Variants in CCDC91 observed in about 807,000 individuals in gnomAD.
CCDC91 encodes coiled-coil domain containing 91, also known as coiled-coil domain-containing protein 91.
A neutral mutation model predicts 63.2 loss-of-function variants in CCDC91; 48 were observed. The observed-to-expected ratio is 0.76, with a 90% CI of 0.60 to 0.97. CCDC91 has a LOEUF of 0.97. CCDC91 is among the 50% of genes least tolerant of loss of function. The probability of loss-of-function intolerance (pLI) is 0.00; values close to 1 mark genes in which losing one functional copy is unlikely to be tolerated. For missense variants in CCDC91, 500 were observed against 494.6 expected (o/e 1.01, Z -0.10); for synonymous variants, 167 against 165.8 (o/e 1.01, Z -0.06).
intron 1 of CCDC91, among the ~76,000 whole-genome samples, chr12:28,230,264 C>T (rs1048546961): frequency 2.0e-5 from 3 of 152,168 alleles, no homozygotes; most frequent in African/African-American, 7.2e-5. Flanking sequence ...AAAACTCAAT[C>T]CTCCATATAT....
intron 11 of CCDC91, among the ~76,000 whole-genome samples, chr12:28,483,339 C>T (rs975948397): frequency 3.9e-5 from 6 of 152,140 alleles, no homozygotes; most frequent in African/African-American, 7.2e-5. Context: ...GATTTTGCTT[C>T]GTGGCATTCA....
chr12:28,259,266 G>A, intron 2 of CCDC91, 98 bp from the exon 3 acceptor site: 1 of 840,274 alleles, frequency 1.2e-6, no homozygotes, highest in Non-Finnish European at 2.0e-6. Flanking sequence ...TGTCTGGTGT[G>A]TTATAGAAGA....
chr12:28,477,890 G>A (rs1951201453), intron 11 of CCDC91, among the ~76,000 whole-genome samples: 1 of 151,966 alleles, frequency 6.6e-6, no homozygotes, highest in Admixed American at 6.6e-5. Context: ...AAAATACCTA[G>A]GAATCCAACT....
intron 3 of CCDC91, among the ~76,000 whole-genome samples, chr12:28,274,900 G>A (rs1377318081): frequency 6.6e-6 from 1 of 151,898 alleles, no homozygotes; most frequent in African/African-American, 2.4e-5. Flanking sequence ...TGGTGAGAGA[G>A]GGCATCCCCT....
chr12:28,444,135 G>C (rs1949376365), intron 8 of CCDC91, among the ~76,000 whole-genome samples: 1 of 152,112 alleles, frequency 6.6e-6, no homozygotes, highest in Non-Finnish European at 1.5e-5. Flanking sequence ...TGGAATTGTT[G>C]TGCTAAAGAA....
chr12:28,463,399 C>T (rs1354096940), intron 11 of CCDC91, among the ~76,000 whole-genome samples: 1 of 152,130 alleles, frequency 6.6e-6, no homozygotes, highest in Non-Finnish European at 1.5e-5. Context: ...ACCAGAGGCT[C>T]CACTGGCACA....
chr12:28,383,714 T>C (rs1194406192), intron 7 of CCDC91, among the ~76,000 whole-genome samples: 3 of 152,112 alleles, frequency 2.0e-5, no homozygotes, highest in East Asian at 1.9e-4. Context: ...GAATTTTACA[T>C]TGAACTTTTA....
At chr12:28,475,117 A>T (rs933390681) in intron 11 of CCDC91, among the ~76,000 whole-genome samples, 1 of 152,136 alleles carries the variant, frequency 6.6e-6, no homozygotes, top group African/African-American at 2.4e-5. Context: ...TACATATATT[A>T]ACATAAACAA....
Position 28,220,445 on chromosome 12 carries a change from C to T in CCDC91, c.-15+29804C>T, listed in dbSNP as rs371004423. ...ATTTACTTCTACATATTCTATAAAG[C>T]CAACAATATGTTTTTTAAATTATTA... On this transcript the variant is annotated intron_variant, in intron 1 of 12. Transcript: ENST00000536442. 1.5e-4 allele frequency among the ~76,000 whole-genome samples: 23 copies of T among 152,030 alleles called. 1 individual carries two copies. The highest frequency in any genetic ancestry group is 5.5e-4 in the African/African-American group (23 of 41,494).
chr12:28,529,245 T>C (rs1941537906), intron 12 of CCDC91, among the ~76,000 whole-genome samples: 1 of 152,220 alleles, frequency 6.6e-6, no homozygotes, highest in South Asian at 2.1e-4. Context: ...GTTTTTCTCT[T>C]AAATTTTAAA....
At chr12:28,394,949 A>C (rs1044908755) in intron 8 of CCDC91, among the ~76,000 whole-genome samples, 2 of 152,134 alleles carry the variant, frequency 1.3e-5, no homozygotes, top group Non-Finnish European at 2.9e-5. Flanking sequence ...CAGATGTGCA[A>C]TAGTGCTTAG....
In CCDC91 at chr12:28,530,772, T is replaced by C. The variant is rs78045921; in HGVS notation, c.1216-18291T>C. 2.1e-3 allele frequency among the ~76,000 whole-genome samples: 324 copies of C among 152,282 alleles called. 4 individuals carry two copies. Among genetic ancestry groups the C allele is most frequent in the African/African-American group, 7.4e-3 (306 of 41,566 alleles). On this transcript the variant is annotated intron_variant, in intron 12 of 12. Coordinates refer to ENST00000536442, the MANE Select transcript of CCDC91 (RefSeq NM_018318.5). ...GAGGACTGGTTATTTTAAAAACTGC[T>C]AAATAAAGCAGTTTTTCAGTGACCA...
At chr12:28,461,083 T>C (rs1592737597) in intron 11 of CCDC91, among the ~76,000 whole-genome samples, 1 of 151,982 alleles carries the variant, frequency 6.6e-6, no homozygotes, top group South Asian at 2.1e-4. Context: ...CTATAGGCAG[T>C]TGTAACACAA....
intron 11 of CCDC91, among the ~76,000 whole-genome samples, chr12:28,477,994 C>T (rs1299007401): frequency 6.6e-6 from 1 of 152,164 alleles, no homozygotes; most frequent in Admixed American, 6.5e-5. Flanking sequence ...ATTCCATGCT[C>T]ATGGATAGGA....
At chr12:28,335,629 A>G (rs1941918128) in intron 6 of CCDC91, among the ~76,000 whole-genome samples, 1 of 150,452 alleles carries the variant, frequency 6.6e-6, no homozygotes, top group African/African-American at 2.4e-5. Context: ...CTTATCTCAA[A>G]CTCTTGTCCT....
At chr12:28,497,488 C>T (rs144012981) in intron 12 of CCDC91, among the ~76,000 whole-genome samples, 78 of 151,544 alleles carry the variant, frequency 5.1e-4, no homozygotes, top group Non-Finnish European at 9.0e-4. Flanking sequence ...GGTTGTGGCT[C>T]GGGACATTAT....
intron 7 of CCDC91, among the ~76,000 whole-genome samples, chr12:28,366,531 A>G (rs767188877): frequency 6.6e-6 from 1 of 152,170 alleles, no homozygotes; most frequent in African/African-American, 2.4e-5. Flanking sequence ...TAAATGAGGA[A>G]CTCTTCTATC....
intron 3 of CCDC91, among the ~76,000 whole-genome samples, chr12:28,278,295 T>C (rs1175024495): frequency 2.6e-5 from 4 of 152,054 alleles, no homozygotes; most frequent in African/African-American, 7.2e-5. Flanking sequence ...TCTTTACTTA[T>C]CTTCTCTCTC....
chr12:28,315,965 A>G (rs916840884), intron 6 of CCDC91, among the ~76,000 whole-genome samples: 4 of 152,056 alleles, frequency 2.6e-5, no homozygotes, highest in Admixed American at 1.3e-4. Context: ...AGTGACTCAT[A>G]TAGAAATTCC....
Sources: gnomAD v4.1 joint callset for allele counts (sites outside exome capture counted in the v4.1 genomes callset) on GRCh38, gnomAD v4.1.1 for gene constraint, MANE v1.5 for transcripts, NCBI Gene and HGNC (gene_info 2026-07-23, HGNC 2026-07-21) for gene names.